ZNF44: variants seen among roughly 807,000 people sequenced by gnomAD.
ZNF44 encodes the protein zinc finger protein 44, also known as gonadotropin inducible transcription repressor-2.
Under a neutral mutation model 11.7 loss-of-function variants are expected in ZNF44, and 9 were observed. The ratio of observed to expected loss-of-function variants is 0.77; its 90% confidence interval spans 0.46 to 1.35. The LOEUF is 1.35. Ranked by LOEUF, ZNF44 falls within the 40% of genes most tolerant of loss-of-function variation. The pLI is 0.00. For missense variants in ZNF44, 696 were observed against 743.1 expected, an observed-to-expected ratio of 0.94 and a Z score of 0.74; for synonymous variants, 224 against 242.7, an observed-to-expected ratio of 0.92 and a Z score of 0.72.
chr19:12,285,195 AC>A, intron 1 of ZNF44: 2 of 472,636 alleles, frequency 4.2e-6, no homozygotes, highest in Non-Finnish European at 7.5e-6. Flanking sequence ...GGGCTTTCAT[AC>A]AAGAAAAATA....
chr19:12,288,004 T>G (rs142386492), intron 1 of ZNF44, among the ~76,000 whole-genome samples: 1 of 152,344 alleles, frequency 6.6e-6, no homozygotes, highest in African/African-American at 2.4e-5. Flanking sequence ...TAACATTACT[T>G]CTGACAGCAA....
At chr19:12,274,952 T>A in intron 3 of ZNF44, 21 bp downstream of exon 3, 1 of 1,562,336 alleles carries the variant, frequency 6.4e-7, no homozygotes, top group Non-Finnish European at 8.7e-7. Flanking sequence ...ACATCACCTG[T>A]CTCTTATAAG....
intron 1 of ZNF44, among the ~76,000 whole-genome samples, chr19:12,235,811 G>T (rs531418289): frequency 2.0e-5 from 3 of 152,296 alleles, no homozygotes; most frequent in South Asian, 2.1e-4. Flanking sequence ...CCTGGCAACT[G>T]TGAGTATCCT....
chr19:12,231,974 C>T (rs1180151845), intron 2 of ZNF44, among the ~76,000 whole-genome samples: 1 of 152,126 alleles, frequency 6.6e-6, no homozygotes, highest in East Asian at 1.9e-4. Flanking sequence ...TGGAGGATCC[C>T]GCCAGCCTCT....
chr19:12,258,160 C>CAAA (rs770370872), intron 5 of ZNF44, among the ~76,000 whole-genome samples: 114 of 55,586 alleles, frequency 2.1e-3, no homozygotes, highest in Non-Finnish European at 2.6e-3. Context: ...CTCATCTCTA[C>CAAA]AAAAAAAAAA....
At chr19:12,229,903 C>A (rs142727858) in intron 3 of ZNF44, among the ~76,000 whole-genome samples, 1 of 152,110 alleles carries the variant, frequency 6.6e-6, no homozygotes, top group African/African-American at 2.4e-5. Context: ...TGAGCCACCA[C>A]GCTCAGCCAG....
Position 12,233,432 on chromosome 19 carries a change from G to A in ZNF44, n.380+1235C>T, listed in dbSNP as rs186488917. ...TAGACTTCACCAAAATAGTCCAATC[G>A]GTCTCTAAACAAAACAAAGCAAATA... On this transcript the variant is annotated intron_variant and non_coding_transcript_variant, in intron 2 of 3. Coordinates refer to the ZNF44 transcript ENST00000597563. Among the ~76,000 whole-genome samples the A allele has an allele frequency of 6.2e-3, 937 of 151,592 alleles. 3 individuals are homozygous for A. Among genetic ancestry groups the A allele is most frequent in the African/African-American group, 0.016 (681 of 41,298 alleles).
At chr19:12,228,193 C>G (rs973709802) in intron 3 of ZNF44, among the ~76,000 whole-genome samples, 1 of 128,064 alleles carries the variant, frequency 7.8e-6, no homozygotes, top group Admixed American at 7.5e-5. Context: ...TTTAAACCTT[C>G]AAAACAATTG....
intron 5 of ZNF44, among the ~76,000 whole-genome samples, chr19:12,253,284 G>A (rs1035604923): frequency 6.6e-6 from 1 of 150,420 alleles, no homozygotes; most frequent in African/African-American, 2.5e-5. Context: ...TCGACTCTTG[G>A]GTTCAAGTGA....
chr19:12,259,205 T>C (rs1296351323), intron 5 of ZNF44, among the ~76,000 whole-genome samples: 2 of 152,302 alleles, frequency 1.3e-5, no homozygotes, highest in South Asian at 4.1e-4. Context: ...ATTTGTTCTA[T>C]AATACAACCA....
chr19:12,250,381 A>C, intron 5 of ZNF44: 1 of 1,351,128 alleles, frequency 7.4e-7, no homozygotes, highest in South Asian at 1.2e-5. Context: ...AAAACATTCC[A>C]AATGTGTGTA....
At chr19:12,263,300 G>A (rs1391658559) in intron 5 of ZNF44, among the ~76,000 whole-genome samples, 2 of 151,872 alleles carry the variant, frequency 1.3e-5, no homozygotes, top group African/African-American at 4.8e-5. Flanking sequence ...TGGTCAGGGT[G>A]GTCTCGAAGT....
Position 12,264,842 on chromosome 19 carries a change from C to T in ZNF44, c.1912+7645G>A, listed in dbSNP as rs149230486. 9.0e-3 allele frequency among the ~76,000 whole-genome samples: 1,374 copies of T among 152,100 alleles called. 15 individuals are homozygous for T. Among genetic ancestry groups the T allele is most frequent in the African/African-American group, 0.032 (1,307 of 41,476 alleles). ...TCCAAAATAGGTGGGACCACAGGCA[C>T]GCACCACTATGCCTGACTAATTTTT... On this transcript the variant is annotated intron_variant and NMD_transcript_variant, in intron 5 of 7. Transcript: ENST00000393337.
chr19:12,264,790 G>T (rs1917660777), intron 5 of ZNF44, among the ~76,000 whole-genome samples: 2 of 152,098 alleles, frequency 1.3e-5, no homozygotes, highest in African/African-American at 4.8e-5. Context: ...CCACCTTGCA[G>T]GCTCAAGCGA....
intron 1 of ZNF44, among the ~76,000 whole-genome samples, chr19:12,280,045 G>A (rs899307701): frequency 6.6e-6 from 1 of 151,644 alleles, no homozygotes; most frequent in Non-Finnish European, 1.5e-5. Flanking sequence ...ATAGATATAG[G>A]TTTATTCAAA....
At chr19:12,243,547 T>A (rs115567910), downstream of ZNF44, among the ~76,000 whole-genome samples, 698 of 152,344 alleles carry the variant, frequency 4.6e-3, 3 homozygotes, top group African/African-American at 0.016. Flanking sequence ...TACATCACAC[T>A]TTCTTTATTC....
chr19:12,284,805 G>A, intron 1 of ZNF44: 2 of 1,189,148 alleles, frequency 1.7e-6, no homozygotes, highest in Non-Finnish European at 2.4e-6. Context: ...CGTGCGCAGA[G>A]GCTACTGGGG....
At chr19:12,260,347 C>A in intron 5 of ZNF44, 1 of 1,039,758 alleles carries the variant, frequency 9.6e-7, no homozygotes, top group Non-Finnish European at 1.5e-6. Context: ...AAGCCTGCCA[C>A]CTCCTACGCG....
At chr19:12,245,968 C>T (rs1325421366), downstream of ZNF44, among the ~76,000 whole-genome samples, 7 of 152,158 alleles carry the variant, frequency 4.6e-5, no homozygotes. Flanking sequence ...TTTTCTCAGA[C>T]AGGTAGAGTT....
Sources: allele counts gnomAD v4.1 joint callset (sites outside exome capture counted in the v4.1 genomes callset), GRCh38; gene constraint gnomAD v4.1.1; transcripts MANE v1.5; gene names NCBI Gene and HGNC (gene_info 2026-07-23, HGNC 2026-07-21).